SGMS1: variants seen among roughly 807,000 people sequenced by gnomAD.
SGMS1 encodes the protein phosphatidylcholine:ceramide cholinephosphotransferase 1.
SGMS1 carries 13 observed loss-of-function variants against 46.2 expected under a neutral mutation model. That is an observed-to-expected ratio of 0.28 (90% CI 0.18 to 0.45). The LOEUF (loss-of-function observed/expected upper bound fraction) is 0.45, where lower values mean the gene tolerates loss of function less well. Among genes scored for constraint, SGMS1 ranks in the 20% least tolerant of loss-of-function variants. SGMS1 has a pLI of 1.00. For synonymous variants in SGMS1, 203 were observed against 187.8 expected (o/e 1.08, Z -0.66); for missense variants, 324 against 519.9 (o/e 0.62, Z 3.66).
chr10:50,624,518 C>T (rs1373295597), upstream of SGMS1: 2 of 908,198 alleles, frequency 2.2e-6, no homozygotes, highest in African/African-American at 1.8e-5. Context: ...CTGGCGACGC[C>T]TGGGAGCGCG....
At chr10:50,326,108 T>C (rs1847527712) in intron 8 of SGMS1, among the ~76,000 whole-genome samples, 2 of 152,036 alleles carry the variant, frequency 1.3e-5, no homozygotes, top group South Asian at 4.1e-4. Flanking sequence ...ATTGCTTTTG[T>C]ATGACAGCTC....
chr10:50,354,521 A>G (rs7904375), intron 6 of SGMS1, among the ~76,000 whole-genome samples: 25,113 of 152,224 alleles, frequency 0.16, 2,378 homozygotes, highest in Admixed American at 0.24. Context: ...CATTCAGGAC[A>G]CAGGCATGGG....
At chr10:50,533,595 C>A (rs2133807563) in intron 2 of SGMS1, among the ~76,000 whole-genome samples, 1 of 152,192 alleles carries the variant, frequency 6.6e-6, no homozygotes, top group Admixed American at 6.5e-5. Flanking sequence ...CAATTGTTTA[C>A]ATACGATGTT....
At chr10:50,308,216 C>A (rs1847204277) in intron 9 of SGMS1, 68 bp from the exon 10 acceptor site, 1 of 1,378,822 alleles carries the variant, frequency 7.3e-7, no homozygotes, top group Non-Finnish European at 1.0e-6. Flanking sequence ...AACTATGCCT[C>A]TACTAATGCT....
chr10:50,315,853 G>A (rs1483259965), intron 8 of SGMS1, among the ~76,000 whole-genome samples: 2 of 152,154 alleles, frequency 1.3e-5, no homozygotes, highest in Non-Finnish European at 2.9e-5. Context: ...AGTAAAAACA[G>A]GCAATATTCT....
At chr10:50,612,858 G>A (rs1034126486) in intron 1 of SGMS1, among the ~76,000 whole-genome samples, 1 of 152,186 alleles carries the variant, frequency 6.6e-6, no homozygotes, top group African/African-American at 2.4e-5. Context: ...ACAGGCGTGC[G>A]CCTCCATGCC....
intron 8 of SGMS1, among the ~76,000 whole-genome samples, chr10:50,317,114 G>A (rs1847352633): frequency 6.6e-6 from 1 of 152,154 alleles, no homozygotes; most frequent in Non-Finnish European, 1.5e-5. Flanking sequence ...AAGGAATCAA[G>A]CAGCAGAATT....
chr10:50,329,919 T>C (rs144063420), intron 7 of SGMS1, among the ~76,000 whole-genome samples: 29 of 152,332 alleles, frequency 1.9e-4, no homozygotes, highest in African/African-American at 6.7e-4. Context: ...AGGCTCATTA[T>C]TACTTTTTCT....
chr10:50,434,584 A>AG (rs1490381572), intron 5 of SGMS1, among the ~76,000 whole-genome samples: 1 of 152,020 alleles, frequency 6.6e-6, no homozygotes, highest in Non-Finnish European at 1.5e-5. Flanking sequence ...TTAAGAAAGG[A>AG]GGAGATGATT....
chr10:50,409,712 C>T (rs1198628949), intron 6 of SGMS1, among the ~76,000 whole-genome samples: 2 of 151,974 alleles, frequency 1.3e-5, no homozygotes, highest in Non-Finnish European at 2.9e-5. Context: ...GAAACTCTTT[C>T]GATATATCAA....
intron 3 of SGMS1, among the ~76,000 whole-genome samples, chr10:50,512,084 A>G (rs1837760998): frequency 6.6e-6 from 1 of 152,242 alleles, no homozygotes; most frequent in East Asian, 1.9e-4. Context: ...GTGGATTGTG[A>G]AACAGATGGG....
intron 6 of SGMS1, among the ~76,000 whole-genome samples, chr10:50,352,055 G>A (rs1206993605): frequency 6.6e-6 from 1 of 152,160 alleles, no homozygotes; most frequent in Non-Finnish European, 1.5e-5. Context: ...GAAATTTCAA[G>A]AGCAAATAAA....
chr10:50,619,185 G>C lies in SGMS1; in HGVS notation c.-684+4522C>G, dbSNP rs535050348. Among the ~76,000 whole-genome samples the C allele has an allele frequency of 7.9e-5, 12 of 152,184 alleles. No homozygotes were observed. In the South Asian group the frequency reaches 2.5e-3, roughly 32 times the overall value. ...GCATACAGGATGTTTGCTAGTGGTA[G>C]CAGGAGTGGAGGTGAGTTAAGCATC... On this transcript the variant is annotated intron_variant, in intron 1 of 10. Coordinates refer to ENST00000361781, the MANE Select transcript of SGMS1 (RefSeq NM_147156.4).
At chr10:50,343,363 T>G in intron 7 of SGMS1, 129 bp downstream of exon 7, 1 of 1,120,636 alleles carries the variant, frequency 8.9e-7, no homozygotes, top group East Asian at 2.6e-5. Flanking sequence ...AGGGTATGTG[T>G]TTAAAAAAGA....
chr10:50,609,119 G>C (rs547064530), intron 1 of SGMS1, among the ~76,000 whole-genome samples: 6 of 151,952 alleles, frequency 3.9e-5, no homozygotes, highest in Non-Finnish European at 7.4e-5. Flanking sequence ...CTGGTATCTG[G>C]GACTACAGGT....
At chr10:50,549,132 G>A (rs545199585) in intron 2 of SGMS1, among the ~76,000 whole-genome samples, 3 of 152,210 alleles carry the variant, frequency 2.0e-5, no homozygotes, top group African/African-American at 7.2e-5. Context: ...GGAAGACAGT[G>A]TGGTGATTCC....
At chr10:50,327,184 T>C in intron 8 of SGMS1, 21 bp downstream of exon 8, 1 of 1,423,888 alleles carries the variant, frequency 7.0e-7, no homozygotes, top group Non-Finnish European at 9.8e-7. Flanking sequence ...GAAAGCGAAA[T>C]TACAGCGAGG....
chr10:50,608,881 T>A (rs1054952878), intron 1 of SGMS1, among the ~76,000 whole-genome samples: 1 of 152,236 alleles, frequency 6.6e-6, no homozygotes, highest in African/African-American at 2.4e-5. Flanking sequence ...GATATTTGCA[T>A]ATAACCTACA....
intron 6 of SGMS1, among the ~76,000 whole-genome samples, chr10:50,395,858 G>A (rs530498588): frequency 6.6e-6 from 1 of 152,118 alleles, no homozygotes; most frequent in South Asian, 2.1e-4. Flanking sequence ...ACAAGAAATG[G>A]CACAAATCAG....
Sources: allele counts gnomAD v4.1 joint callset (sites outside exome capture counted in the v4.1 genomes callset), GRCh38; gene constraint gnomAD v4.1.1; transcripts MANE v1.5; gene names NCBI Gene and HGNC (gene_info 2026-07-23, HGNC 2026-07-21).